The following TBC1D32 variants were observed in gnomAD, a reference collection of about 807,000 sequenced individuals.
The protein encoded by TBC1D32 is TBC1 domain family member 32.
A neutral mutation model predicts 170.3 loss-of-function variants in TBC1D32; 151 were observed. The ratio of observed to expected loss-of-function variants is 0.89; its 90% CI spans 0.78 to 1.01. The LOEUF is 1.01. TBC1D32 is among the 50% of genes least tolerant of loss of function. The probability of loss-of-function intolerance (pLI) is 0.00; values close to 1 mark genes in which losing one functional copy is unlikely to be tolerated. For synonymous variants in TBC1D32, 498 were observed against 488.0 expected (o/e 1.02, Z -0.27); for missense variants, 1,464 against 1,457.1 (o/e 1.00, Z -0.08).
chr6:121,123,128 G>A (rs1582864218), intron 26 of TBC1D32, among the ~76,000 whole-genome samples: 1 of 152,160 alleles, frequency 6.6e-6, no homozygotes, highest in African/African-American at 2.4e-5. Context: ...TAATGGAAGA[G>A]CTTTCTATTT....
At chr6:121,270,943 A>C (rs1006766366) in intron 15 of TBC1D32, among the ~76,000 whole-genome samples, 3 of 152,218 alleles carry the variant, frequency 2.0e-5, no homozygotes, top group Non-Finnish European at 4.4e-5. Flanking sequence ...CCTGGGATGC[A>C]AGGCTGGTTC....
intron 29 of TBC1D32, among the ~76,000 whole-genome samples, chr6:121,107,519 TTATATCGA>T (rs1056318248): frequency 1.3e-5 from 2 of 151,892 alleles, no homozygotes; most frequent in African/African-American, 4.8e-5. Flanking sequence ...GTAGCCAACT[TTATATCGA>T]TATGTAGAAC....
In TBC1D32 at chr6:121,294,645, G is replaced by A; in HGVS notation, c.1156C>T (p.Gln386Ter). ...ATTTCAAAGTACTGAACACACTGTT[G>A]AATGGCTGTAGTTACCTGATGAAAT... ...KYKSLVTTAI[Q>*]QCVQYFEMCK... Residue 386 changes from glutamine (Q) to a stop codon, truncating the protein, a stop_gained, in exon 11 of 32, where the codon CAA becomes TAA. Transcript: ENST00000398212. LOFTEE classifies it high-confidence loss of function. 1.1e-5 allele frequency: 17 copies of A among 1,611,788 alleles called. No homozygotes were observed. The highest frequency in any genetic ancestry group is 1.4e-5 in the Non-Finnish European group (16 of 1,178,840).
At chr6:121,323,267 AG>A (rs1254769297) in intron 1 of TBC1D32, among the ~76,000 whole-genome samples, 1 of 152,076 alleles carries the variant, frequency 6.6e-6, no homozygotes, top group East Asian at 1.9e-4. Flanking sequence ...ATCACTTCAG[AG>A]ATTACTGCAG....
intron 22 of TBC1D32, among the ~76,000 whole-genome samples, chr6:121,191,140 T>C (rs954590083): frequency 6.6e-6 from 1 of 152,178 alleles, no homozygotes; most frequent in African/African-American, 2.4e-5. Context: ...TGTACATATA[T>C]ACATATATTT....
Position 121,304,575 on chromosome 6 carries a change from G to C in TBC1D32, c.820C>G (p.Leu274Val). ...FLSRENHIPT[L>V]SAGVDITNPN... Reference sequence around the variant, plus strand: ...TTAGTTATATCTACACCAGCTGAAAGAGTAGGAATATGATTTTCCCTAGAA... The same window carrying C: ...TTAGTTATATCTACACCAGCTGAAACAGTAGGAATATGATTTTCCCTAGAA... Residue 274 changes from leucine (L) to valine (V), a missense_variant, in exon 7 of 32, where the codon CTT (leucine) becomes GTT (valine). Leu to Val is a conservative substitution (Grantham distance 32, BLOSUM62 1). Around this residue, in one of 3 missense-constraint regions of TBC1D32, gnomAD observed 1,363 missense variants for 1,338.1 expected, o/e 1.02. Coordinates refer to ENST00000398212, the MANE Select transcript of TBC1D32 (RefSeq NM_152730.6). 10 of 1,612,078 alleles carry C rather than the reference G, an allele frequency of 6.2e-6. No individual in the cohort carries two copies. The highest frequency in any genetic ancestry group is 4.4e-5 in the South Asian group (4 of 90,728).
intron 29 of TBC1D32, among the ~76,000 whole-genome samples, chr6:121,110,625 A>C (rs1779109732): frequency 6.6e-6 from 1 of 152,168 alleles, no homozygotes; most frequent in African/African-American, 2.4e-5. Context: ...TCATATTATC[A>C]AATTGCATAG....
chr6:121,295,332 A>G (rs1479862055), intron 10 of TBC1D32, among the ~76,000 whole-genome samples: 1 of 151,452 alleles, frequency 6.6e-6, no homozygotes, highest in Non-Finnish European at 1.5e-5. Flanking sequence ...ACGGTGTGAT[A>G]ATTATTAAAT....
chr6:121,094,409 C>T (rs6906817), intron 30 of TBC1D32, among the ~76,000 whole-genome samples: 11,754 of 151,940 alleles, frequency 0.077, 905 homozygotes, highest in African/African-American at 0.2. Flanking sequence ...TCAAGTGATC[C>T]ATCCATCTCA....
At chr6:121,194,091 G>GA (rs59122593) in intron 22 of TBC1D32, among the ~76,000 whole-genome samples, 25,931 of 151,126 alleles carry the variant, frequency 0.17, 2,927 homozygotes, top group East Asian at 0.51. Flanking sequence ...TGATTCCAGG[G>GA]AAAAAAAAAC....
chr6:121,262,393 C>T (rs1799874704), intron 15 of TBC1D32, among the ~76,000 whole-genome samples: 1 of 151,896 alleles, frequency 6.6e-6, no homozygotes, highest in Non-Finnish European at 1.5e-5. Context: ...GCCAGGTCAC[C>T]TACAAAGGGA....
rs537335740 is a variant in TBC1D32, at chr6:121,175,340, T to G, written c.2571-14284A>C. Among the ~76,000 whole-genome samples, 8 of 152,272 alleles carry G rather than the reference T, an allele frequency of 5.3e-5. No homozygotes were observed. In the South Asian group the frequency reaches 1.7e-3, roughly 32 times the overall value. ...AGGTGAATTAGGGCAACTGTATGAGTAAATACATACCTGGACTGAATTCTG... is the reference window on the plus strand; with the variant it reads ...AGGTGAATTAGGGCAACTGTATGAGGAAATACATACCTGGACTGAATTCTG... On this transcript the variant is annotated intron_variant, in intron 22 of 31. Transcript: ENST00000398212.
chr6:121,205,132 G>A lies in TBC1D32; in HGVS notation c.2513C>T (p.Ser838Phe), dbSNP rs771614305. 3 of 1,529,208 alleles carry A rather than the reference G, an allele frequency of 2.0e-6. No individual in the cohort carries two copies. In the Admixed American group the frequency reaches 5.9e-5, roughly 30 times the overall value. 94.7% of individuals were successfully genotyped at this position (1,529,208 alleles called of 1,614,324 possible). The change falls in exon 22 of 32, where the codon TCT becomes TTT. Residue 838 changes from serine (S) to phenylalanine (F), a missense_variant. Physicochemically the swap from Ser to Phe is radical, Grantham distance 155. This residue lies in a region of TBC1D32 where 1,363 missense variants were observed against 1,338.1 expected (regional missense o/e 1.02). Transcript: ENST00000398212. ...GAATAAAGAACGAATCTTAGCTTCA[G>A]AATTCAAAATTATAAGTCTATCAAT... ...DIIDRLIILN[S>F]EAKIRSLFNY...
At chr6:121,119,349 T>C (rs922434497) in intron 26 of TBC1D32, among the ~76,000 whole-genome samples, 2 of 152,160 alleles carry the variant, frequency 1.3e-5, no homozygotes, top group African/African-American at 4.8e-5. Flanking sequence ...TATCACACAC[T>C]GTGCTTTACT....
intron 9 of TBC1D32, among the ~76,000 whole-genome samples, chr6:121,299,841 G>A (rs1583638725): frequency 6.6e-6 from 1 of 151,956 alleles, no homozygotes; most frequent in African/African-American, 2.4e-5. Flanking sequence ...ATACATAGTG[G>A]GGAAAAAAAA....
At chr6:121,195,096 G>A (rs1421964079) in intron 22 of TBC1D32, among the ~76,000 whole-genome samples, 1 of 152,162 alleles carries the variant, frequency 6.6e-6, no homozygotes, top group Non-Finnish European at 1.5e-5. Flanking sequence ...GATTTCGGAG[G>A]CAACACATTC....
intron 31 of TBC1D32, among the ~76,000 whole-genome samples, chr6:121,085,569 C>T (rs1025552771): frequency 5.9e-5 from 9 of 151,680 alleles, no homozygotes; most frequent in Admixed American, 5.3e-4. Context: ...CCAAAGGTCA[C>T]AGTTTTATGT....
chr6:121,275,811 A>G (rs1279800926), intron 15 of TBC1D32, among the ~76,000 whole-genome samples: 1 of 152,100 alleles, frequency 6.6e-6, no homozygotes, highest in African/African-American at 2.4e-5. Flanking sequence ...AACCCATAAA[A>G]TCTTTATTTT....
At chr6:121,214,229 AG>A (rs1252616756) in intron 21 of TBC1D32, among the ~76,000 whole-genome samples, 3 of 152,210 alleles carry the variant, frequency 2.0e-5, no homozygotes, top group South Asian at 2.1e-4. Context: ...AAACAGCCAA[AG>A]ATTTTGCCTT....
Sources: allele counts gnomAD v4.1 joint callset (sites outside exome capture counted in the v4.1 genomes callset), GRCh38; gene constraint gnomAD v4.1.1; regional missense constraint gnomAD v4.1.1; transcripts MANE v1.5; gene names NCBI Gene and HGNC (gene_info 2026-07-23, HGNC 2026-07-21).